The following SMPD1 variants were observed in gnomAD, a reference collection of about 807,000 sequenced individuals.
The protein encoded by SMPD1 is sphingomyelin phosphodiesterase 1.
Under a neutral mutation model 49.7 loss-of-function variants are expected in SMPD1, and 47 were observed. The observed-to-expected ratio is 0.95, with a 90% confidence interval of 0.75 to 1.21. SMPD1 has a LOEUF of 1.21. SMPD1 is among the 50% of genes most tolerant of loss of function. The pLI is 0.00. For missense variants in SMPD1, 811 were observed against 822.2 expected, an observed-to-expected ratio of 0.99 and a Z score of 0.17; for synonymous variants, 336 against 339.6, an observed-to-expected ratio of 0.99 and a Z score of 0.12.
chr11:6,392,147 G>T lies in SMPD1; in HGVS notation c.1082G>T (p.Arg361Leu). Residue 361 changes from arginine to leucine, a missense_variant, in exon 2 of 6, where the codon CGC becomes CTC. Arg to Leu is a moderately radical substitution (Grantham distance 102). Coordinates refer to ENST00000342245, the MANE Select transcript of SMPD1 (RefSeq NM_000543.5). ...CCCTGGCTGCCTGCCGAAGCCCTGC[G>T]CACCCTCAGGTACTTATCGTCCGTG... ...WEPWLPAEAL[R>L]TLRIGGFYAL... The T allele has an allele frequency of 6.2e-7, 1 of 1,614,094 alleles. No homozygotes were observed.
chr11:6,391,231 A>G (rs1325590161), intron 1 of SMPD1, among the ~76,000 whole-genome samples, 153 bp from the exon 2 acceptor site: 2 of 152,340 alleles, frequency 1.3e-5, no homozygotes, highest in East Asian at 1.9e-4. Flanking sequence ...TTACAGGGCA[A>G]TATCTGGAAG....
intron 2 of SMPD1, 88 bp downstream of exon 2, chr11:6,392,244 T>C (rs1847959654): frequency 1.4e-6 from 2 of 1,430,222 alleles, no homozygotes. Context: ...TGTCTCTGAT[T>C]GCTCTAGCAT....
At chr11:6,393,715 G>C in intron 4 of SMPD1, 22 bp downstream of exon 4, 1 of 1,602,812 alleles carries the variant, frequency 6.2e-7, no homozygotes, top group Non-Finnish European at 8.5e-7. Context: ...ATGAGGGTGG[G>C]AATAGGGACA....
intron 2 of SMPD1, among the ~76,000 whole-genome samples, chr11:6,392,486 C>CTTTTTTTTTT (rs754271358): frequency 6.6e-5 from 3 of 45,684 alleles, no homozygotes; most frequent in Non-Finnish European, 1.1e-4. Context: ...CTGGCCCTCC[C>CTTTTTTTTTT]TTTTTTTTTT....
rs772349606 is a variant in SMPD1, at chr11:6,391,392, C to T, written c.327C>T (p.Pro109=). 2 of 1,612,528 alleles carry T rather than the reference C, an allele frequency of 1.2e-6. No individual in the cohort carries two copies. The highest frequency in any genetic ancestry group is 2.7e-5 in the African/African-American group (2 of 74,996). The change falls in exon 2 of 6, where the codon CCC becomes CCT. Residue 109 remains proline (P), a synonymous_variant. Transcript: ENST00000342245. ...CGCTCCTCCCACTGCAGAAGGAACC[C>T]AATGTGGCTCGCGTGGGCTCCGTGG... ...TAINLGLKKE[P]NVARVGSVAI...
Position 6,394,628 on chromosome 11 carries a change from G to C in SMPD1, c.*21G>C. ...GCTAGGGCCCCAGGGCCCACATTTG[G>C]GAAAGTTCTTGATGTAGGAAAGGGT... On this transcript the variant is annotated 3_prime_UTR_variant, in exon 6 of 6. Coordinates refer to ENST00000342245, the MANE Select transcript of SMPD1 (RefSeq NM_000543.5). The C allele has an allele frequency of 6.3e-7, 1 of 1,594,208 alleles. No individual in the cohort carries two copies. The highest frequency in any genetic ancestry group is 1.1e-5 in the South Asian group (1 of 90,922).
Position 6,393,325 on chromosome 11 carries a change from C to G in SMPD1, c.1201C>G (p.Pro401Ala), listed in dbSNP as rs781441787. 1.2e-6 allele frequency: 2 copies of G among 1,613,988 alleles called. No individual in the cohort carries two copies. Among genetic ancestry groups the G allele is most frequent in the South Asian group, 2.2e-5 (2 of 91,080 alleles). The change falls in exon 3 of 6, where the codon CCC (proline) becomes GCC (alanine). Residue 401 changes from proline (P) to alanine (A), a missense_variant. Transcript: ENST00000342245. The part of the protein sequence containing the change: ...NFWLLINSTD[P>A]AGQLQWLVGE... ...CTGGCTCTTGATCAACTCCACGGAT[C>G]CCGCAGGACAGCTCCAGTGGCTGGT...
In SMPD1 at chr11:6,390,631, C is replaced by T; in HGVS notation, c.33C>T (p.Ser11=). Reference sequence around the variant, plus strand: ...GCTACGGAGCGTCACTCCGCCAGAGCTGCCCCAGGTCCGGCCGGGAGCAGG... The same window carrying T: ...GCTACGGAGCGTCACTCCGCCAGAGTTGCCCCAGGTCCGGCCGGGAGCAGG... MPRYGASLRQ[S]CPRSGREQGQ... Residue 11 remains serine (S), a synonymous_variant, in exon 1 of 6, where the codon AGC becomes AGT. Transcript: ENST00000342245. 6.2e-7 allele frequency: 1 copy of T among 1,613,078 alleles called. No individual in the cohort carries two copies. The highest frequency in any genetic ancestry group is 8.5e-7 in the Non-Finnish European group (1 of 1,179,780).
rs202244080 is a variant in SMPD1, at chr11:6,391,873, G to A, written c.808G>A (p.Gly270Ser). The change falls in exon 2 of 6, where the codon GGC becomes AGC. Residue 270 changes from glycine (G) to serine (S), a missense_variant. Physicochemically the swap from Gly to Ser is moderately conservative, Grantham distance 56. Transcript: ENST00000342245. ...CCTGTTGAGTGGGCTGGGCCCAGCC[G>A]GCCCTTTTGATATGGTGTACTGGAC... ...ESLLSGLGPAGPFDMVYWTGD... is the reference protein window; with the variant it reads ...ESLLSGLGPASPFDMVYWTGD... The A allele has an allele frequency of 1.3e-4, 215 of 1,614,082 alleles. 2 individuals are homozygous for A. Among genetic ancestry groups the A allele is most frequent in the Admixed American group, 1.2e-4 (7 of 60,028 alleles).
rs746106776 is a variant in SMPD1, at chr11:6,392,182, G to A, written c.1091+26G>A. The A allele has an allele frequency of 1.5e-5, 25 of 1,613,900 alleles. No homozygotes were observed. Among genetic ancestry groups the A allele is most frequent in the African/African-American group, 2.7e-5 (2 of 74,892 alleles). On this transcript the variant is annotated intron_variant, in intron 2 of 5. Coordinates refer to ENST00000342245, the MANE Select transcript of SMPD1 (RefSeq NM_000543.5). Reference sequence around the variant, plus strand: ...GTACTTATCGTCCGTGGAAACCCAGGAAGGGAAAAGAAAGGTGAATGAAAG... The same window carrying A: ...GTACTTATCGTCCGTGGAAACCCAGAAAGGGAAAAGAAAGGTGAATGAAAG...
At chr11:6,393,072 A>G (rs1291252296) in intron 2 of SMPD1, 144 bp from the exon 3 acceptor site, 3 of 677,128 alleles carry the variant, frequency 4.4e-6, no homozygotes, top group South Asian at 1.9e-5. Flanking sequence ...CCCAATAATT[A>G]GAACTGTTTG....
In SMPD1 at chr11:6,391,519, G is replaced by T. The variant is rs1412664110; in HGVS notation, c.454G>T (p.Val152Leu). The T allele has an allele frequency of 6.2e-6, 10 of 1,614,066 alleles. No individual in the cohort carries two copies. Among genetic ancestry groups the T allele is most frequent in the Non-Finnish European group, 8.5e-6 (10 of 1,180,018 alleles). Residue 152 changes from valine (V) to leucine (L), a missense_variant, in exon 2 of 6, where the codon GTG becomes TTG. Transcript: ENST00000342245. ...CATGGTGGAGGTGTGGAGACGCTCA[G>T]TGCTGAGCCCATCTGAGGCCTGTGG... ...DDMVEVWRRS[V>L]LSPSEACGLL...
rs760865854 is a variant in SMPD1, at chr11:6,391,800, C to T, written c.735C>T (p.Tyr245=). The T allele has an allele frequency of 6.2e-6, 10 of 1,612,708 alleles. No homozygotes were observed. In the Admixed American group the frequency reaches 1.2e-4, roughly 19 times the overall value. ...LPPASRPGAG[Y]WGEYSKCDLP... is the part of the protein sequence containing the mutation. ...CCGCATCCCGGCCAGGTGCCGGATA[C>T]TGGGGCGAATACAGCAAGTGTGACC... The change falls in exon 2 of 6, where the codon TAC becomes TAT. Residue 245 remains tyrosine, a synonymous_variant. Transcript: ENST00000342245.
Position 6,392,041 on chromosome 11 carries a change from G to C in SMPD1, c.976G>C (p.Val326Leu). 1 of 1,614,156 alleles carries C rather than the reference G, an allele frequency of 6.2e-7. No individual in the cohort carries two copies. The part of the protein sequence containing the change: ...PAVGNHESTP[V>L]NSFPPPFIEG... ...TGTGGGTAACCATGAAAGCACACCTGTCAATAGCTTCCCTCCCCCCTTCAT... is the reference window on the plus strand; with the variant it reads ...TGTGGGTAACCATGAAAGCACACCTCTCAATAGCTTCCCTCCCCCCTTCAT... Residue 326 changes from valine to leucine, a missense_variant, in exon 2 of 6, where the codon GTC becomes CTC. Coordinates refer to ENST00000342245, the MANE Select transcript of SMPD1 (RefSeq NM_000543.5).
In SMPD1 at chr11:6,391,367, C is replaced by CG. The variant is rs1176311670; in HGVS notation, c.319-16dup. ...GCTCTGCCTCTGATTTCTCACCATGCGCTCCTCCCACTGCAGAAGGAACCC... is the reference window on the plus strand; with the variant it reads ...GCTCTGCCTCTGATTTCTCACCATGCGGCTCCTCCCACTGCAGAAGGAACCC... On this transcript the variant is annotated splice_polypyrimidine_tract_variant and intron_variant, in intron 1 of 5. Coordinates refer to ENST00000342245, the MANE Select transcript of SMPD1 (RefSeq NM_000543.5). The CG allele has an allele frequency of 2.5e-6, 4 of 1,611,388 alleles. No individual in the cohort carries two copies. The highest frequency in any genetic ancestry group is 1.3e-5 in the African/African-American group (1 of 74,860).
rs751600918 is a variant in SMPD1, at chr11:6,391,557, C to T, written c.492C>T (p.Gly164=). The T allele has an allele frequency of 1.2e-6, 2 of 1,613,758 alleles. No individual in the cohort carries two copies. Among genetic ancestry groups the T allele is most frequent in the Non-Finnish European group, 1.7e-6 (2 of 1,179,896 alleles). ...CTGAGGCCTGTGGCCTGCTCCTGGG[C>T]TCCACCTGTGGGCACTGGGACATTT... The part of the protein sequence containing the change: ...SPSEACGLLL[G]STCGHWDIFS... Residue 164 remains glycine, a synonymous_variant, in exon 2 of 6, where the codon GGC becomes GGT. Transcript: ENST00000342245.
At position 6,393,294 on chromosome 11, in the gene SMPD1, G is replaced by C. The variant is rs758543204; in HGVS notation, c.1170G>C (p.Glu390Asp). The C allele has an allele frequency of 1.9e-6, 3 of 1,613,868 alleles. No homozygotes were observed. The African/African-American group carries it at 4.0e-5, about 22-fold the overall frequency. ...TCAATATGAATTTTTGTTCCCGTGA[G>C]AACTTCTGGCTCTTGATCAACTCCA... ...ISLNMNFCSR[E>D]NFWLLINSTD... Residue 390 changes from glutamate to aspartate, a missense_variant, in exon 3 of 6, where the codon GAG (glutamate) becomes GAC (aspartate). Transcript: ENST00000342245.
Position 6,393,526 on chromosome 11 carries a change from G to A in SMPD1, c.1264-91G>A, listed in dbSNP as rs372511196. On this transcript the variant is annotated intron_variant, in intron 3 of 5. Transcript: ENST00000342245. Reference sequence around the variant, plus strand: ...CCTGGGGATTCAGCTCATGGTCACTGTTGAAAGCCTTCATTCAGTCCCCCT... The same window carrying A: ...CCTGGGGATTCAGCTCATGGTCACTATTGAAAGCCTTCATTCAGTCCCCCT... The A allele has an allele frequency of 3.0e-5, 42 of 1,388,708 alleles. No individual in the cohort carries two copies. The East Asian group carries it at 4.8e-4, about 16-fold the overall frequency. 86.0% of individuals were successfully genotyped at this position (1,388,708 alleles called of 1,614,324 possible).
chr11:6,391,848 C>A lies in SMPD1; in HGVS notation c.783C>A (p.Ser261Arg). ...ACCTGCCCCTGAGGACCCTGGAGAG[C>A]CTGTTGAGTGGGCTGGGCCCAGCCG... ...KCDLPLRTLE[S>R]LLSGLGPAGP... Residue 261 changes from serine (S) to arginine (R), a missense_variant, in exon 2 of 6, where the codon AGC (serine) becomes AGA (arginine). Transcript: ENST00000342245. 1.2e-6 allele frequency: 2 copies of A among 1,613,790 alleles called. No individual in the cohort carries two copies. The highest frequency in any genetic ancestry group is 1.7e-6 in the Non-Finnish European group (2 of 1,179,908).
Sources: allele counts gnomAD v4.1 joint callset (sites outside exome capture counted in the v4.1 genomes callset), GRCh38; gene constraint gnomAD v4.1.1; transcripts MANE v1.5; gene names NCBI Gene and HGNC (gene_info 2026-07-23, HGNC 2026-07-21).